ARAP1: variants seen among roughly 807,000 people sequenced by gnomAD.
ARAP1 encodes the protein arf-GAP with Rho-GAP domain, ANK repeat and PH domain-containing protein 1.
ARAP1 carries 76 observed loss-of-function variants against 172.2 expected under a neutral mutation model. The ratio of observed to expected loss-of-function variants is 0.44; its 90% CI spans 0.37 to 0.53. The LOEUF is 0.53. Among genes scored for constraint, ARAP1 ranks in the 20% least tolerant of loss-of-function variants. The pLI, the probability that ARAP1 is intolerant of heterozygous loss-of-function variation, is 0.00. For missense variants in ARAP1, 1,686 were observed against 1,977.5 expected, an observed-to-expected ratio of 0.85 and a Z score of 2.80; for synonymous variants, 804 against 803.3, an observed-to-expected ratio of 1.00 and a Z score of -0.01.
intron 30 of ARAP1, among the ~76,000 whole-genome samples, chr11:72,690,481 T>C (rs1218126115): frequency 6.6e-6 from 1 of 152,140 alleles, no homozygotes; most frequent in African/African-American, 2.4e-5. Context: ...CCCCAACTCA[T>C]GGGATCAAGC....
intron 3 of ARAP1, among the ~76,000 whole-genome samples, chr11:72,716,955 G>A (rs1295883925): frequency 6.6e-6 from 1 of 152,174 alleles, no homozygotes; most frequent in Non-Finnish European, 1.5e-5. Flanking sequence ...ACCCCCTGGT[G>A]GGCACTGCAC....
At chr11:72,694,209 A>G (rs1275804507) in intron 27 of ARAP1, among the ~76,000 whole-genome samples, 1 of 151,380 alleles carries the variant, frequency 6.6e-6, no homozygotes, top group Non-Finnish European at 1.5e-5. Flanking sequence ...AGCCCACATT[A>G]CCGCCTTCTC....
intron 1 of ARAP1, among the ~76,000 whole-genome samples, chr11:72,734,420 C>A (rs1857952125): frequency 6.6e-6 from 1 of 152,174 alleles, no homozygotes; most frequent in Non-Finnish European, 1.5e-5. Flanking sequence ...CTGCACCCAG[C>A]CCAAAAGTCA....
chr11:72,745,961 C>T (rs912744203), intron 1 of ARAP1, among the ~76,000 whole-genome samples: 1 of 152,120 alleles, frequency 6.6e-6, no homozygotes, highest in Non-Finnish European at 1.5e-5. Flanking sequence ...CAAGCCCAGC[C>T]TTCTATACCC....
chr11:72,711,209 A>G, intron 8 of ARAP1, 68 bp from the exon 9 acceptor site: 1 of 1,594,920 alleles, frequency 6.3e-7, no homozygotes, highest in African/African-American at 1.3e-5. Context: ...CTCAGCCAAA[A>G]TGAAGTCTGC....
At chr11:72,739,223 G>A (rs998560626) in intron 1 of ARAP1, among the ~76,000 whole-genome samples, 2 of 152,134 alleles carry the variant, frequency 1.3e-5, no homozygotes, top group Non-Finnish European at 2.9e-5. Flanking sequence ...GGGACTGGTG[G>A]CCACCACATA....
Position 72,711,132 on chromosome 11 carries a change from A to G in ARAP1, c.1102T>C (p.Ser368Pro). ...CAGGCCACAGAGATAAAGCGCTTAG[A>G]GTAAGCGTCCTGGGGGAGAGACAGG... ...RYFDSNKDAY[S>P]KRFISVACIS... The change falls in exon 9 of 35, where the codon TCT (serine) becomes CCT (proline). Residue 368 changes from serine (S) to proline (P), a missense_variant. Around this residue, in one of 5 missense-constraint regions of ARAP1, gnomAD observed 688 missense variants for 856.9 expected, o/e 0.80. Coordinates refer to ENST00000393609, the MANE Select transcript of ARAP1 (RefSeq NM_001040118.3). The G allele has an allele frequency of 6.2e-7, 1 of 1,614,098 alleles. No individual in the cohort carries two copies. Among genetic ancestry groups the G allele is most frequent in the Non-Finnish European group, 8.5e-7 (1 of 1,180,020 alleles).
In ARAP1 at chr11:72,710,561, G is replaced by A; in HGVS notation, c.1240C>T (p.Leu414=). 1.2e-6 allele frequency: 2 copies of A among 1,609,868 alleles called. No homozygotes were observed. The highest frequency in any genetic ancestry group is 3.3e-5 in the Admixed American group (2 of 59,992). ...DVERKEWMQA[L]QQAMAEQRAR... ...CGCTGCTCAGCCATGGCCTGCTGCA[G>A]GGCCTGCATCCACTCCTTCCGCTCC... The change falls in exon 10 of 35, where the codon CTG becomes TTG. Residue 414 remains leucine (L), a synonymous_variant. Coordinates refer to ENST00000393609, the MANE Select transcript of ARAP1 (RefSeq NM_001040118.3). This position sits in a 1 kb window ranked among gnomAD's most constrained non-coding sequence, Gnocchi z 4.3.
Position 72,725,295 on chromosome 11 carries a change from C to CCT in ARAP1, c.509+1323_509+1324dup, listed in dbSNP as rs10570876. Among the ~76,000 whole-genome samples the CCT allele has an allele frequency of 0.12, 17,597 of 147,862 alleles. 1,175 individuals carry two copies. The highest frequency in any genetic ancestry group is 0.19 in the South Asian group (858 of 4,582). On this transcript the variant is annotated intron_variant, in intron 3 of 34. Coordinates refer to ENST00000393609, the MANE Select transcript of ARAP1 (RefSeq NM_001040118.3). The surrounding 1 kb of genome is among the most constrained non-coding windows in gnomAD (Gnocchi z 4.3). ...TTCTCTATCCTCTTCTCTCTTCTAA[C>CCT]CTCTCTCTCTCTCTCTCTCTCTCTT...
Position 72,701,598 on chromosome 11 carries a change from C to A in ARAP1, c.2302+51G>T, listed in dbSNP as rs377202157. 5 of 1,577,936 alleles carry A rather than the reference C, an allele frequency of 3.2e-6. No individual in the cohort carries two copies. In the South Asian group the frequency reaches 4.6e-5, roughly 15 times the overall value. On this transcript the variant is annotated intron_variant, in intron 16 of 34. Transcript: ENST00000393609. ...GCCAGCCCTGGCTTCCCTAGCCCTG[C>A]AGCCGTGACCAGATGCCATGGGCTA...
Position 72,693,940 on chromosome 11 carries a change from C to A in ARAP1, c.3695-135G>T. 4 of 665,642 alleles carry A rather than the reference C, an allele frequency of 6.0e-6. No homozygotes were observed. In the South Asian group the frequency reaches 7.7e-5, roughly 13 times the overall value. 41.2% of individuals were successfully genotyped at this position (665,642 alleles called of 1,614,324 possible). ...GCAAGTGCCACGACACAAAACACCA[C>A]CATCATGACCACCCTTCCCATGACC... On this transcript the variant is annotated intron_variant, in intron 27 of 34. Coordinates refer to ENST00000393609, the MANE Select transcript of ARAP1 (RefSeq NM_001040118.3). The surrounding 1 kb of genome is among the most constrained non-coding windows in gnomAD (Gnocchi z 4.6).
chr11:72,685,674 C>A lies in ARAP1; in HGVS notation c.4343G>T (p.Arg1448Leu), dbSNP rs199584464. The A allele has an allele frequency of 6.2e-7, 1 of 1,614,034 alleles. No homozygotes were observed. Among genetic ancestry groups the A allele is most frequent in the South Asian group, 1.1e-5 (1 of 91,082 alleles). ...GATGGGCTCCTGTGCTCAGACGTTG[C>A]GCAGAAGCTGCAGGAAGGCAAGAGA... ...AFTADPLSLL[R>L]NV The change falls in exon 35 of 35, where the codon CGC (arginine) becomes CTC (leucine). Residue 1448 changes from arginine to leucine, a missense_variant. Coordinates refer to ENST00000393609, the MANE Select transcript of ARAP1 (RefSeq NM_001040118.3).
chr11:72,715,570 CTTTTT>C (rs56115201), intron 3 of ARAP1, among the ~76,000 whole-genome samples: 1 of 135,830 alleles, frequency 7.4e-6, no homozygotes, highest in Non-Finnish European at 1.6e-5. Context: ...TTTTTAACTT[CTTTTT>C]TTTTTTTTTT....
At chr11:72,730,774 C>T (rs746056058) in intron 2 of ARAP1, among the ~76,000 whole-genome samples, 1 of 152,170 alleles carries the variant, frequency 6.6e-6, no homozygotes, top group Non-Finnish European at 1.5e-5. Context: ...TGGCACCTGC[C>T]AGAATTGACA....
intron 21 of ARAP1, 23 bp from the exon 22 acceptor site, chr11:72,697,218 G>T: frequency 6.3e-7 from 1 of 1,589,402 alleles, no homozygotes. Context: ...GGGGCCAAGC[G>T]TTCGGGGCCT....
intron 19 of ARAP1, 104 bp from the exon 20 acceptor site, chr11:72,697,753 T>C (rs2135508264): frequency 6.5e-7 from 1 of 1,545,140 alleles, no homozygotes; most frequent in East Asian, 2.3e-5. Flanking sequence ...CGCCCACCAA[T>C]GTATGGGGTG....
chr11:72,746,928 A>G (rs1858385781), intron 1 of ARAP1, among the ~76,000 whole-genome samples: 1 of 152,144 alleles, frequency 6.6e-6, no homozygotes, highest in South Asian at 2.1e-4. Context: ...TGGGTTGGGG[A>G]GGAGAGAGGG....
Position 72,711,422 on chromosome 11 carries a change from G to A in ARAP1, c.1092+8C>T. On this transcript the variant is annotated splice_region_variant and intron_variant, in intron 8 of 34. Coordinates refer to ENST00000393609, the MANE Select transcript of ARAP1 (RefSeq NM_001040118.3). ...CAGGGGTCGCGTCAGGACTGATGCAGGCCTCACCTTGTTACTGTCAAAGTA... is the reference window on the plus strand; with the variant it reads ...CAGGGGTCGCGTCAGGACTGATGCAAGCCTCACCTTGTTACTGTCAAAGTA... 1 of 1,611,942 alleles carries A rather than the reference G, an allele frequency of 6.2e-7. No homozygotes were observed. Among genetic ancestry groups the A allele is most frequent in the Non-Finnish European group, 8.5e-7 (1 of 1,178,110 alleles).
intron 30 of ARAP1, among the ~76,000 whole-genome samples, chr11:72,689,888 G>C (rs1451088907): frequency 3.9e-5 from 6 of 152,170 alleles, no homozygotes; most frequent in Admixed American, 3.3e-4. Flanking sequence ...ACAAGATGTG[G>C]GGGAATATAA....
Sources: gnomAD v4.1 joint callset for allele counts (sites outside exome capture counted in the v4.1 genomes callset) on GRCh38, gnomAD v4.1.1 for gene constraint, gnomAD v4.1.1 regional missense constraint, Gnocchi (gnomAD v3.1) non-coding constraint, MANE v1.5 for transcripts, NCBI Gene and HGNC (gene_info 2026-07-23, HGNC 2026-07-21) for gene names.